SPAG16: variants seen among roughly 807,000 people sequenced by gnomAD.
SPAG16 encodes the protein sperm-associated antigen 16 protein.
Under a neutral mutation model 80.4 loss-of-function variants are expected in SPAG16, and 86 were observed. The observed-to-expected ratio is 1.07, with a 90% CI of 0.90 to 1.28. The LOEUF is 1.28. Ranked by LOEUF, SPAG16 falls within the 50% of genes most tolerant of loss-of-function variation. SPAG16 has a pLI of 0.00. For synonymous variants in SPAG16, 294 were observed against 265.9 expected (o/e 1.11, Z -1.03); for missense variants, 870 against 765.3 (o/e 1.14, Z -1.61).
intron 11 of SPAG16, among the ~76,000 whole-genome samples, chr2:213,929,465 C>T (rs1385643202): frequency 6.6e-6 from 1 of 152,160 alleles, no homozygotes; most frequent in Non-Finnish European, 1.5e-5. Flanking sequence ...TGATCTAACT[C>T]AAAGGTATCT....
intron 10 of SPAG16, among the ~76,000 whole-genome samples, chr2:213,625,285 T>C (rs777959302): frequency 9.2e-5 from 14 of 152,058 alleles, no homozygotes; most frequent in Middle Eastern, 3.2e-3. Flanking sequence ...CTTACAATCA[T>C]GGCAGAAGGG....
chr2:214,329,818 T>A (rs1468882823), intron 15 of SPAG16, among the ~76,000 whole-genome samples: 1 of 152,124 alleles, frequency 6.6e-6, no homozygotes, highest in African/African-American at 2.4e-5. Context: ...TGGAGAAATA[T>A]CACAAGACTA....
chr2:213,472,501 A>G (rs775875648), intron 9 of SPAG16, among the ~76,000 whole-genome samples: 7 of 152,152 alleles, frequency 4.6e-5, no homozygotes, highest in Non-Finnish European at 7.3e-5. Context: ...TGGTGGCACT[A>G]ATCTCCGCAG....
At chr2:214,187,809 G>T (rs941090652) in intron 15 of SPAG16, among the ~76,000 whole-genome samples, 3 of 150,964 alleles carry the variant, frequency 2.0e-5, no homozygotes, top group Non-Finnish European at 4.4e-5. Context: ...CGGAGGAAAG[G>T]ATGAAATGAG....
At chr2:213,782,744 A>G (rs2070076059) in intron 10 of SPAG16, among the ~76,000 whole-genome samples, 1 of 152,200 alleles carries the variant, frequency 6.6e-6, no homozygotes, top group African/African-American at 2.4e-5. Context: ...GCAGTGGGAC[A>G]TTGACTCCTA....
chr2:213,760,329 A>G (rs1022981878), intron 10 of SPAG16, among the ~76,000 whole-genome samples: 1 of 152,282 alleles, frequency 6.6e-6, no homozygotes, highest in Middle Eastern at 3.4e-3. Flanking sequence ...AAAGGCAAAG[A>G]AGGACATTCT....
At chr2:213,660,305 T>C (rs975141757) in intron 10 of SPAG16, among the ~76,000 whole-genome samples, 3 of 151,824 alleles carry the variant, frequency 2.0e-5, no homozygotes, top group Non-Finnish European at 4.4e-5. Context: ...GAGTCTCACT[T>C]TGTTGCCAGG....
chr2:213,606,773 C>G (rs1268318586), intron 10 of SPAG16, among the ~76,000 whole-genome samples: 2 of 152,212 alleles, frequency 1.3e-5, no homozygotes, highest in African/African-American at 4.8e-5. Flanking sequence ...CTGTATTTAG[C>G]AATGAACCTT....
intron 12 of SPAG16, among the ~76,000 whole-genome samples, chr2:213,960,925 G>C (rs919134332): frequency 1.3e-5 from 2 of 152,140 alleles, no homozygotes; most frequent in African/African-American, 4.8e-5. Flanking sequence ...TCAGTAATCA[G>C]AGCACAAATC....
intron 12 of SPAG16, among the ~76,000 whole-genome samples, chr2:213,990,986 A>G (rs903033651): frequency 1.3e-5 from 2 of 152,016 alleles, no homozygotes; most frequent in Admixed American, 1.3e-4. Context: ...TTCCTTCTCC[A>G]AATCCACTTA....
chr2:213,315,741 G>T (rs971026362), intron 4 of SPAG16, among the ~76,000 whole-genome samples: 19 of 151,322 alleles, frequency 1.3e-4, no homozygotes, highest in Non-Finnish European at 2.4e-4. Context: ...TTCAGTAATT[G>T]ATTCTCAGTA....
chr2:213,831,465 G>A (rs2073654919), intron 10 of SPAG16, among the ~76,000 whole-genome samples: 1 of 150,126 alleles, frequency 6.7e-6, no homozygotes, highest in African/African-American at 2.5e-5. Context: ...TTACATTTGT[G>A]TCAAATTAGA....
chr2:213,818,367 T>C (rs963180574), intron 10 of SPAG16, among the ~76,000 whole-genome samples: 6 of 152,126 alleles, frequency 3.9e-5, no homozygotes, highest in Non-Finnish European at 7.3e-5. Context: ...CAGGTCATTG[T>C]TTTCTTGGCT....
At chr2:213,361,989 A>G (rs563520357) in intron 7 of SPAG16, among the ~76,000 whole-genome samples, 14 of 152,216 alleles carry the variant, frequency 9.2e-5, no homozygotes, top group African/African-American at 3.4e-4. Context: ...GAGAATTCTC[A>G]TATGTGAGGT....
At chr2:214,091,979 GTACAA>G (rs1186937396) in intron 13 of SPAG16, among the ~76,000 whole-genome samples, 1 of 152,070 alleles carries the variant, frequency 6.6e-6, no homozygotes, top group African/African-American at 2.4e-5. Context: ...TTTGGTCATT[GTACAA>G]TACAATACCT....
At chr2:213,889,648 C>CATATACATATATACACACAT in intron 11 of SPAG16, among the ~76,000 whole-genome samples, 1 of 148,720 alleles carries the variant, frequency 6.7e-6, no homozygotes, top group Admixed American at 6.8e-5. Flanking sequence ...TACACACACA[C>CATATACATATATACACACAT]ATATATACAT....
intron 1 of SPAG16, among the ~76,000 whole-genome samples, chr2:213,289,999 C>T (rs1472660736): frequency 6.6e-6 from 1 of 152,196 alleles, no homozygotes; most frequent in African/African-American, 2.4e-5. Flanking sequence ...CCAATTGGCA[C>T]CTCAAGCTCT....
intron 10 of SPAG16, among the ~76,000 whole-genome samples, chr2:213,512,561 T>C (rs1338332919): frequency 2.6e-5 from 4 of 152,106 alleles, no homozygotes; most frequent in Non-Finnish European, 4.4e-5. Context: ...TTTATAGCCC[T>C]AAAAATTCGG....
At chr2:214,193,055 G>C (rs1452542983) in intron 15 of SPAG16, among the ~76,000 whole-genome samples, 1 of 152,066 alleles carries the variant, frequency 6.6e-6, no homozygotes, top group Non-Finnish European at 1.5e-5. Flanking sequence ...CAGTACTATA[G>C]AGTTGTCCCA....
Sources: gnomAD v4.1 joint callset for allele counts (sites outside exome capture counted in the v4.1 genomes callset) on GRCh38, gnomAD v4.1.1 for gene constraint, MANE v1.5 for transcripts, NCBI Gene and HGNC (gene_info 2026-07-23, HGNC 2026-07-21) for gene names.